SGSM1: variants seen among roughly 807,000 people sequenced by gnomAD.
SGSM1 encodes the protein RUN and TBC1 domain containing 2.
Under a neutral mutation model 133.8 loss-of-function variants are expected in SGSM1, and 73 were observed. The ratio of observed to expected loss-of-function variants is 0.55; its 90% confidence interval spans 0.45 to 0.66. SGSM1 has a LOEUF of 0.66. Ranked by LOEUF, SGSM1 falls within the 30% of genes least tolerant of loss-of-function variation. SGSM1 has a pLI of 0.00. For synonymous variants in SGSM1, 563 were observed against 573.0 expected (o/e 0.98, Z 0.25); for missense variants, 1,213 against 1,448.1 (o/e 0.84, Z 2.64).
intron 2 of SGSM1, among the ~76,000 whole-genome samples, chr22:24,822,068 C>CT (rs1243489526): frequency 6.7e-6 from 1 of 149,188 alleles, no homozygotes; most frequent in African/African-American, 2.5e-5. Flanking sequence ...ACCTCCCATG[C>CT]TCTACCTGTT....
At chr22:24,865,157 G>A (rs1931374898) in intron 9 of SGSM1, among the ~76,000 whole-genome samples, 1 of 152,204 alleles carries the variant, frequency 6.6e-6, no homozygotes, top group Non-Finnish European at 1.5e-5. Flanking sequence ...TGTTCACCGG[G>A]CATTCCAGTG....
intron 5 of SGSM1, among the ~76,000 whole-genome samples, chr22:24,851,116 A>G (rs1042859636): frequency 1.1e-4 from 17 of 151,600 alleles, no homozygotes; most frequent in South Asian, 4.2e-4. Flanking sequence ...AAAAAAAAAA[A>G]AAAGAAAAAA....
intron 3 of SGSM1, among the ~76,000 whole-genome samples, chr22:24,845,845 G>A (rs531617583): frequency 1.4e-5 from 2 of 143,402 alleles, no homozygotes; most frequent in Non-Finnish European, 3.0e-5. Flanking sequence ...TGGGAGGCAA[G>A]GACCTCAGTT....
intron 22 of SGSM1, among the ~76,000 whole-genome samples, chr22:24,914,424 C>T (rs1263568028): frequency 1.3e-5 from 2 of 151,804 alleles, no homozygotes; most frequent in Non-Finnish European, 2.9e-5. Flanking sequence ...TGCAATGAGC[C>T]GAGATAGCCC....
intron 16 of SGSM1, among the ~76,000 whole-genome samples, chr22:24,891,684 A>G (rs1057462532): frequency 6.6e-6 from 1 of 152,078 alleles, no homozygotes. Context: ...TCCCAGTTTC[A>G]TGGGGGTTGT....
intron 15 of SGSM1, among the ~76,000 whole-genome samples, chr22:24,885,902 G>A (rs1310630551): frequency 6.6e-6 from 1 of 152,128 alleles, no homozygotes; most frequent in Non-Finnish European, 1.5e-5. Flanking sequence ...CCTTATTCAC[G>A]CCAGGATATC....
chr22:24,921,835 G>C (rs1279464822), intron 24 of SGSM1, among the ~76,000 whole-genome samples: 1 of 151,810 alleles, frequency 6.6e-6, no homozygotes, highest in Non-Finnish European at 1.5e-5. Context: ...GAGTAGCTGG[G>C]ATTACAGGCA....
chr22:24,807,029 TC>T (rs1403663148), intron 2 of SGSM1, among the ~76,000 whole-genome samples: 1 of 151,850 alleles, frequency 6.6e-6, no homozygotes, highest in Non-Finnish European at 1.5e-5. Flanking sequence ...AGTGAGCTGC[TC>T]CCCTGGCAGT....
At chr22:24,809,397 G>T (rs1180776959) in intron 2 of SGSM1, among the ~76,000 whole-genome samples, 3 of 152,228 alleles carry the variant, frequency 2.0e-5, no homozygotes, top group Non-Finnish European at 4.4e-5. Context: ...TCTGTCTTCT[G>T]TGTGTACATC....
intron 19 of SGSM1, among the ~76,000 whole-genome samples, chr22:24,900,370 T>TTTGAGA (rs1569170848): frequency 2.8e-5 from 2 of 71,574 alleles, no homozygotes; most frequent in Non-Finnish European, 3.0e-5. Flanking sequence ...TTTCTTTCTT[T>TTTGAGA]CTTTCTTTCT....
At chr22:24,852,985 C>T (rs1016333344) in intron 5 of SGSM1, among the ~76,000 whole-genome samples, 1 of 152,160 alleles carries the variant, frequency 6.6e-6, no homozygotes, top group African/African-American at 2.4e-5. Flanking sequence ...GGTAAGATTA[C>T]GATGATGTTG....
intron 14 of SGSM1, among the ~76,000 whole-genome samples, chr22:24,881,192 CA>C (rs757336427): frequency 0.098 from 5,334 of 54,332 alleles, 173 homozygotes; most frequent in African/African-American, 0.13. Context: ...GACTCCGTCT[CA>C]AAAAAAAAAA....
chr22:24,883,938 C>A, intron 14 of SGSM1, 115 bp from the exon 15 acceptor site: 1 of 1,320,002 alleles, frequency 7.6e-7, no homozygotes, highest in Non-Finnish European at 1.0e-6. Flanking sequence ...AAGACTCTGT[C>A]TCAAAACAAA....
Position 24,926,848 on chromosome 22 carries a change from CTGT to C in SGSM1, c.*2576_*2578del, listed in dbSNP as rs1934225062. The C allele has an allele frequency of 8.5e-6, 1 of 117,042 alleles. No individual in the cohort carries two copies. The allele number at this position is 117,042 out of a possible 1,614,324, so 7.3% of individuals were successfully genotyped here. ...TATATAAACAGAGAAATATGTGAAT[CTGT>C]TTTTTTTTGTCTTTTTTTTTTTAAT... On this transcript the variant is annotated 3_prime_UTR_variant, in exon 25 of 25. Coordinates refer to ENST00000400358, the MANE Select transcript of SGSM1 (RefSeq NM_001098497.3).
chr22:24,877,257 A>C (rs1053841247), intron 13 of SGSM1, among the ~76,000 whole-genome samples: 2 of 152,134 alleles, frequency 1.3e-5, no homozygotes, highest in African/African-American at 4.8e-5. Context: ...ACCACATCTC[A>C]GTTTGCACCC....
intron 2 of SGSM1, among the ~76,000 whole-genome samples, chr22:24,827,276 T>C (rs921626307): frequency 4.6e-5 from 7 of 152,044 alleles, no homozygotes; most frequent in African/African-American, 1.4e-4. Context: ...GAATCCCCCT[T>C]CCTGCCTCAC....
intron 12 of SGSM1, among the ~76,000 whole-genome samples, chr22:24,869,392 C>T (rs954223707): frequency 6.6e-6 from 1 of 151,988 alleles, no homozygotes; most frequent in Non-Finnish European, 1.5e-5. Context: ...TGGTGGCATG[C>T]ATCTGTGGTC....
At position 24,879,560 on chromosome 22, in the gene SGSM1, GTGGAGCAGCTAT is replaced by G. The variant is rs778759541; in HGVS notation, c.1495+38_1495+49del. On this transcript the variant is annotated intron_variant, in intron 14 of 24. Transcript: ENST00000400358. ...AGGGCTCCATTGCCAGTGTGTCTCC[GTGGAGCAGCTAT>G]TGGTGCCTGCTGTATGCCAGCAATA... The G allele has an allele frequency of 3.6e-5, 57 of 1,601,146 alleles. No individual in the cohort carries two copies. In the African/African-American group the frequency reaches 7.2e-4, roughly 20 times the overall value.
At chr22:24,852,464 G>A (rs1930535506) in intron 5 of SGSM1, among the ~76,000 whole-genome samples, 1 of 152,050 alleles carries the variant, frequency 6.6e-6, no homozygotes, top group Non-Finnish European at 1.5e-5. Context: ...TTATTTTTGA[G>A]ATGGAGTCTC....
Sources: allele counts gnomAD v4.1 joint callset (sites outside exome capture counted in the v4.1 genomes callset), GRCh38; gene constraint gnomAD v4.1.1; transcripts MANE v1.5; gene names NCBI Gene and HGNC (gene_info 2026-07-23, HGNC 2026-07-21).